KIF6: variants seen among roughly 807,000 people sequenced by gnomAD.
The protein encoded by KIF6 is kinesin-like protein KIF6.
Under a neutral mutation model 112.7 loss-of-function variants are expected in KIF6, and 106 were observed. The ratio of observed to expected loss-of-function variants is 0.94; its 90% confidence interval spans 0.80 to 1.11. The LOEUF (loss-of-function observed/expected upper bound fraction) is 1.11. Among genes scored for constraint, KIF6 ranks in the 50% least tolerant of loss-of-function variants. The pLI, the probability that KIF6 is intolerant of heterozygous loss-of-function variation, is 0.00. For missense variants in KIF6, 929 were observed against 964.0 expected, an observed-to-expected ratio of 0.96 and a Z score of 0.48; for synonymous variants, 339 against 339.9, an observed-to-expected ratio of 1.00 and a Z score of 0.03.
chr6:39,473,027 C>T (rs1412053892), intron 13 of KIF6, among the ~76,000 whole-genome samples: 2 of 152,118 alleles, frequency 1.3e-5, no homozygotes, highest in Non-Finnish European at 2.9e-5. Context: ...GTTGGGATTA[C>T]AGGCATGCGC....
At chr6:39,621,901 C>G (rs1039758909) in intron 5 of KIF6, among the ~76,000 whole-genome samples, 2 of 152,044 alleles carry the variant, frequency 1.3e-5, no homozygotes, top group African/African-American at 4.8e-5. Context: ...CGTGGTGGCT[C>G]ATGCCTGTAA....
chr6:39,430,048 T>A (rs988375177), intron 14 of KIF6, among the ~76,000 whole-genome samples: 11 of 152,204 alleles, frequency 7.2e-5, no homozygotes, highest in African/African-American at 2.7e-4. Context: ...TCCCTCCTGC[T>A]TATTTCTCTG....
In KIF6 at chr6:39,576,567, G is replaced by A. The variant is rs150771587; in HGVS notation, c.1181+1489C>T. Reference sequence around the variant, plus strand: ...ACTGGTGGAAGACTGAAAGGGGGACGTGAGAGAAGCCAAGGATGTTCCTCT... The same window carrying A: ...ACTGGTGGAAGACTGAAAGGGGGACATGAGAGAAGCCAAGGATGTTCCTCT... On this transcript the variant is annotated intron_variant, in intron 10 of 22. Transcript: ENST00000287152. 5.5e-4 allele frequency among the ~76,000 whole-genome samples: 84 copies of A among 152,320 alleles called. No homozygotes were observed. In the Middle Eastern group the frequency reaches 0.01, roughly 19 times the overall value.
At chr6:39,463,725 C>A (rs1773619521) in intron 13 of KIF6, among the ~76,000 whole-genome samples, 1 of 152,202 alleles carries the variant, frequency 6.6e-6, no homozygotes, top group Admixed American at 6.5e-5. Flanking sequence ...CACATCTCTT[C>A]TGAGTCCCCA....
intron 3 of KIF6, among the ~76,000 whole-genome samples, chr6:39,659,998 G>T (rs1563771): frequency 0.11 from 17,247 of 152,096 alleles, 1,534 homozygotes; most frequent in African/African-American, 0.25. Context: ...TATATATGTA[G>T]TATAATATGT....
chr6:39,486,018 G>A (rs1412205954), intron 13 of KIF6, among the ~76,000 whole-genome samples: 1 of 152,178 alleles, frequency 6.6e-6, no homozygotes, highest in East Asian at 1.9e-4. Flanking sequence ...CAGACAGTCA[G>A]CCTCCAGAGT....
In KIF6 at chr6:39,544,616, T is replaced by C. The variant is rs773781692; in HGVS notation, c.1365A>G (p.Pro455=). ...SESKDQDCQE[P]LKEEEYRKLR... is the part of the protein sequence containing the mutation. ...GCTTTCTATATTCTTCTTCTTTTAA[T>C]GGTTCTTGACAATCTTGGTCTTTGC... Residue 455 remains proline (P), a synonymous_variant, in exon 12 of 23, where the codon CCA becomes CCG. Coordinates refer to ENST00000287152, the MANE Select transcript of KIF6 (RefSeq NM_145027.6). 5.6e-6 allele frequency: 9 copies of C among 1,612,510 alleles called. No individual in the cohort carries two copies. The highest frequency in any genetic ancestry group is 1.1e-5 in the South Asian group (1 of 90,936).
At position 39,584,919 on chromosome 6, in the gene KIF6, A is replaced by T; in HGVS notation, c.1056T>A (p.Asn352Lys). The change falls in exon 9 of 23, where the codon AAT becomes AAA. Residue 352 changes from asparagine (N) to lysine (K), a missense_variant. Physicochemically the swap from Asn to Lys is moderately conservative, Grantham distance 94. Coordinates refer to ENST00000287152, the MANE Select transcript of KIF6 (RefSeq NM_145027.6). ...VALIKNEAVL[N>K]EEINPRLVIK... ...TTACTAATCTGGGGTTAATTTCTTCATTAAGAACAGCTTCATTCTTTATGA... is the reference window on the plus strand; with the variant it reads ...TTACTAATCTGGGGTTAATTTCTTCTTTAAGAACAGCTTCATTCTTTATGA... 1 of 1,610,692 alleles carries T rather than the reference A, an allele frequency of 6.2e-7. No individual in the cohort carries two copies.
chr6:39,440,496 T>A (rs1357277197), intron 13 of KIF6, among the ~76,000 whole-genome samples: 2 of 152,068 alleles, frequency 1.3e-5, no homozygotes, highest in Non-Finnish European at 2.9e-5. Context: ...TTGGGTGAAA[T>A]AGACAAAAAT....
chr6:39,506,996 T>C (rs1037849138), intron 13 of KIF6, among the ~76,000 whole-genome samples: 8 of 152,222 alleles, frequency 5.3e-5, no homozygotes, highest in South Asian at 2.1e-4. Context: ...TCCTGAATTG[T>C]ATCTTTATAA....
intron 13 of KIF6, among the ~76,000 whole-genome samples, chr6:39,484,974 A>G (rs1248319000): frequency 6.6e-6 from 1 of 152,126 alleles, no homozygotes; most frequent in Non-Finnish European, 1.5e-5. Context: ...GGGGTTCTTT[A>G]TCAGCCTCTC....
chr6:39,489,837 A>G (rs1245536526), intron 13 of KIF6, among the ~76,000 whole-genome samples: 1 of 152,228 alleles, frequency 6.6e-6, no homozygotes, highest in Non-Finnish European at 1.5e-5. Flanking sequence ...TCTTTAGAGC[A>G]GCGCACAGAG....
At chr6:39,666,059 G>A (rs1561911199) in intron 3 of KIF6, among the ~76,000 whole-genome samples, 1 of 152,130 alleles carries the variant, frequency 6.6e-6, no homozygotes, top group East Asian at 1.9e-4. Flanking sequence ...TTAAAATCTG[G>A]AATGTCATCA....
intron 13 of KIF6, among the ~76,000 whole-genome samples, chr6:39,531,706 C>A (rs1053316299): frequency 4.6e-5 from 7 of 152,162 alleles, no homozygotes; most frequent in African/African-American, 1.2e-4. Flanking sequence ...ACCCAGACAC[C>A]AGGGGGCCAA....
At chr6:39,578,269 G>A in intron 9 of KIF6, 110 bp from the exon 10 acceptor site, 1 of 703,918 alleles carries the variant, frequency 1.4e-6, no homozygotes, top group Non-Finnish European at 2.5e-6. Context: ...ACACAAAAAT[G>A]GGTAATGGTA....
chr6:39,632,232 G>A (rs1241894659), intron 5 of KIF6, among the ~76,000 whole-genome samples: 1 of 152,108 alleles, frequency 6.6e-6, no homozygotes, highest in Non-Finnish European at 1.5e-5. Flanking sequence ...CGTCTCGCAG[G>A]TGATATTTGG....
At chr6:39,621,872 T>C (rs1276907975) in intron 5 of KIF6, among the ~76,000 whole-genome samples, 5 of 152,056 alleles carry the variant, frequency 3.3e-5, no homozygotes, top group Non-Finnish European at 1.5e-5. Flanking sequence ...TTAATGAAAT[T>C]GAACCTATTT....
Position 39,671,433 on chromosome 6 carries a change from G to A in KIF6, c.252-31676C>T, listed in dbSNP as rs145357789. On this transcript the variant is annotated intron_variant, in intron 3 of 22. Coordinates refer to ENST00000287152, the MANE Select transcript of KIF6 (RefSeq NM_145027.6). Reference sequence around the variant, plus strand: ...CAACAGCAGCTTCCTAGTTATCTCCGTGAGGGTATTGGTGTGAGGGTCTAG... The same window carrying A: ...CAACAGCAGCTTCCTAGTTATCTCCATGAGGGTATTGGTGTGAGGGTCTAG... Among the ~76,000 whole-genome samples, 26 of 152,258 alleles carry A rather than the reference G, an allele frequency of 1.7e-4. 1 individual carries two copies. The highest frequency in any genetic ancestry group is 7.8e-4 in the Admixed American group (12 of 15,300).
chr6:39,493,633 A>G (rs189595302), intron 13 of KIF6, among the ~76,000 whole-genome samples: 11 of 152,348 alleles, frequency 7.2e-5, no homozygotes, highest in Admixed American at 7.2e-4. Context: ...GTGAATTGGT[A>G]CTATTTATGC....
Sources: gnomAD v4.1 joint callset for allele counts (sites outside exome capture counted in the v4.1 genomes callset) on GRCh38, gnomAD v4.1.1 for gene constraint, MANE v1.5 for transcripts, NCBI Gene and HGNC (gene_info 2026-07-23, HGNC 2026-07-21) for gene names.